The following TLK2 variants were observed in gnomAD, a reference collection of about 807,000 sequenced individuals.
TLK2 encodes the protein tousled like kinase 2.
A neutral mutation model predicts 117.3 loss-of-function variants in TLK2; 6 were observed. The observed-to-expected ratio is 0.05, with a 90% CI of 0.03 to 0.10. The LOEUF (loss-of-function observed/expected upper bound fraction) is 0.10, where lower values mean the gene tolerates loss of function less well. TLK2 is among the 10% of genes least tolerant of loss of function. The pLI is 1.00. For missense variants in TLK2, 299 were observed against 901.2 expected, an observed-to-expected ratio of 0.33 and a Z score of 8.56; for synonymous variants, 257 against 316.7, an observed-to-expected ratio of 0.81 and a Z score of 2.00.
chr17:62,508,462 A>C (rs1365766170), intron 2 of TLK2: 1 of 979,110 alleles, frequency 1.0e-6, no homozygotes, highest in African/African-American at 1.8e-5. Context: ...AAATAAATAC[A>C]TTGCAAAACA....
Position 62,524,303 on chromosome 17 carries a change from C to T in TLK2, c.335C>T (p.Pro112Leu), listed in dbSNP as rs755635800. 2.5e-6 allele frequency: 4 copies of T among 1,613,672 alleles called. No homozygotes were observed. The highest frequency in any genetic ancestry group is 3.4e-6 in the Non-Finnish European group (4 of 1,179,808). ...GTTCCACCAGTTGCACGATCCTCAC[C>T]GCAACATTCCTTATCCAATCCCTTA... is the stretch of plus-strand genomic sequence containing the variant. The part of the protein sequence containing the change: ...RSVPPVARSS[P>L]QHSLSNPLPR... The change falls in exon 6 of 22, where the codon CCG becomes CTG. Residue 112 changes from proline to leucine, a missense_variant. By Grantham distance (98) the Pro-to-Leu change is moderately conservative. Coordinates refer to ENST00000346027, the MANE Select transcript of TLK2 (RefSeq NM_006852.6).
At chr17:62,524,152 G>A in intron 5 of TLK2, 84 bp from the exon 6 acceptor site, 1 of 1,141,288 alleles carries the variant, frequency 8.8e-7, no homozygotes, top group Non-Finnish European at 1.2e-6. Flanking sequence ...ATTAAGATCT[G>A]TTTGTGTATT....
intron 2 of TLK2, among the ~76,000 whole-genome samples, chr17:62,487,136 C>G (rs2072489526): frequency 6.6e-6 from 1 of 151,920 alleles, no homozygotes; most frequent in African/African-American, 2.4e-5. Flanking sequence ...ACTAAAAATA[C>G]AAAAAATAAG....
intron 19 of TLK2, among the ~76,000 whole-genome samples, chr17:62,604,753 A>G (rs1354780113): frequency 2.6e-5 from 4 of 151,264 alleles, no homozygotes; most frequent in Non-Finnish European, 1.5e-5. Flanking sequence ...TACTAAAAAT[A>G]AAAAAATTAG....
rs149969616 is a variant in TLK2 at position 62,583,053 on chromosome 17, C to T, written c.1368+2861C>T. 1.2e-4 allele frequency among the ~76,000 whole-genome samples: 19 copies of T among 152,222 alleles called. No individual in the cohort carries two copies. In the East Asian group the frequency reaches 3.3e-3, roughly 26 times the overall value. ...GGACACTTGGGTTGCTTCCATCTCT[C>T]GCCTACCGTGTATAGTGCTGTTGTT... is the stretch of plus-strand genomic sequence containing the variant. On this transcript the variant is annotated intron_variant, in intron 15 of 21. Coordinates refer to ENST00000346027, the MANE Select transcript of TLK2 (RefSeq NM_006852.6).
At chr17:62,537,421 C>G (rs1479671239) in intron 7 of TLK2, among the ~76,000 whole-genome samples, 1 of 152,236 alleles carries the variant, frequency 6.6e-6, no homozygotes, top group South Asian at 2.1e-4. Context: ...TAATTAGACA[C>G]TGTGAGCTGA....
rs368726422 is a variant in TLK2, at chr17:62,543,745, T to C, written c.531+7408T>C. Among the ~76,000 whole-genome samples, 526 of 152,342 alleles carry C rather than the reference T, an allele frequency of 3.5e-3. 6 individuals are homozygous for C. The highest frequency in any genetic ancestry group is 0.012 in the African/African-American group (510 of 41,584). ...TTCTGAATATTAGATCTTTGTCAAC[T>C]ATATGATTGGCAAAGGTTTTCTATT... is the stretch of plus-strand genomic sequence containing the variant. On this transcript the variant is annotated intron_variant, in intron 7 of 21. Transcript: ENST00000346027.
rs181649682 is a variant in TLK2, at chr17:62,587,959, T to C, written c.1460+1733T>C. Among the ~76,000 whole-genome samples the C allele has an allele frequency of 3.6e-3, 542 of 151,374 alleles. 1 individual carries two copies. Among genetic ancestry groups the C allele is most frequent in the Non-Finnish European group, 5.1e-3 (347 of 67,814 alleles). ...ATTTTTATACATATACAGATGTATA[T>C]GTATAAAATATACGTATACATCTGT... On this transcript the variant is annotated intron_variant, in intron 16 of 21. Transcript: ENST00000346027.
At chr17:62,474,454 G>A (rs186205438), upstream of TLK2, among the ~76,000 whole-genome samples, 8 of 150,348 alleles carry the variant, frequency 5.3e-5, no homozygotes, top group East Asian at 7.8e-4. Flanking sequence ...CTGTTGCCTG[G>A]GCTGGAGTGC....
intron 14 of TLK2, among the ~76,000 whole-genome samples, chr17:62,578,972 G>A (rs1333206067): frequency 6.6e-6 from 1 of 152,124 alleles, no homozygotes; most frequent in Admixed American, 6.6e-5. Context: ...CTCGGTTTCT[G>A]AATGACCTTT....
At chr17:62,478,351 C>A (rs1335017039), upstream of TLK2, among the ~76,000 whole-genome samples, 2 of 151,260 alleles carry the variant, frequency 1.3e-5, no homozygotes, top group Non-Finnish European at 1.5e-5. Context: ...GCGCGGGGGC[C>A]GGCGAGGCGG....
intron 11 of TLK2, among the ~76,000 whole-genome samples, chr17:62,567,325 G>A (rs2079876881): frequency 6.6e-6 from 1 of 152,200 alleles, no homozygotes; most frequent in African/African-American, 2.4e-5. Context: ...TGATGCCCAC[G>A]AGGGTCTGGA....
chr17:62,576,659 C>T (rs376020449), intron 12 of TLK2, 50 bp from the exon 13 acceptor site: 2 of 1,406,186 alleles, frequency 1.4e-6, no homozygotes, highest in South Asian at 1.2e-5. Context: ...TTTAAACAGG[C>T]AAACTATGAT....
At chr17:62,534,802 A>C (rs777402161) in intron 6 of TLK2, among the ~76,000 whole-genome samples, 1 of 151,120 alleles carries the variant, frequency 6.6e-6, no homozygotes, top group Non-Finnish European at 1.5e-5. Flanking sequence ...AAGGGTCTCC[A>C]GTCTTAGCAC....
At chr17:62,582,848 T>C (rs1165767985) in intron 15 of TLK2, among the ~76,000 whole-genome samples, 2 of 152,198 alleles carry the variant, frequency 1.3e-5, no homozygotes, top group African/African-American at 4.8e-5. Context: ...AATTTGACTA[T>C]GTTTAGATTT....
chr17:62,540,099 CTTTT>C (rs571889873), intron 7 of TLK2, among the ~76,000 whole-genome samples: 2 of 125,088 alleles, frequency 1.6e-5, no homozygotes, highest in South Asian at 2.6e-4. Flanking sequence ...TCTTTCTTTT[CTTTT>C]TTTTTTTTTT....
intron 7 of TLK2, among the ~76,000 whole-genome samples, chr17:62,545,328 G>A (rs1047290666): frequency 2.6e-5 from 4 of 152,170 alleles, no homozygotes; most frequent in African/African-American, 7.2e-5. Context: ...GTTTTAAAAC[G>A]TTAATTGTAA....
intron 16 of TLK2, among the ~76,000 whole-genome samples, chr17:62,595,560 C>CTT (rs567198832): frequency 2.2e-5 from 3 of 139,422 alleles, no homozygotes; most frequent in African/African-American, 2.6e-5. Context: ...CTCTGTTGTA[C>CTT]TTTTTTTTTT....
chr17:62,580,552 C>A (rs1026859052), intron 15 of TLK2, among the ~76,000 whole-genome samples: 5 of 152,146 alleles, frequency 3.3e-5, no homozygotes, highest in Non-Finnish European at 5.9e-5. Flanking sequence ...ATGTGTCAAA[C>A]CTGTTTCCAA....
Sources: gnomAD v4.1 joint callset for allele counts (sites outside exome capture counted in the v4.1 genomes callset) on GRCh38, gnomAD v4.1.1 for gene constraint, MANE v1.5 for transcripts, NCBI Gene and HGNC (gene_info 2026-07-23, HGNC 2026-07-21) for gene names.